The following NECTIN4 variants were observed in gnomAD, a reference collection of about 807,000 sequenced individuals.
NECTIN4 encodes nectin cell adhesion molecule 4, also known as nectin-4.
In NECTIN4, 19 loss-of-function variants were observed where a neutral mutation model predicts 51.7. The ratio of observed to expected loss-of-function variants is 0.37; its 90% CI spans 0.26 to 0.54. The LOEUF (loss-of-function observed/expected upper bound fraction) is 0.54, where lower values mean the gene tolerates loss of function less well. NECTIN4 is among the 20% of genes least tolerant of loss of function. NECTIN4 has a pLI of 0.86. For missense variants in NECTIN4, 619 were observed against 662.4 expected, an observed-to-expected ratio of 0.93 and a Z score of 0.72; for synonymous variants, 283 against 286.9, an observed-to-expected ratio of 0.99 and a Z score of 0.14.
intron 1 of NECTIN4, among the ~76,000 whole-genome samples, chr1:161,080,642 C>T (rs908713416): frequency 3.9e-5 from 6 of 152,122 alleles, no homozygotes; most frequent in Admixed American, 2.0e-4. Context: ...ACAGAAAGGG[C>T]CCAGGTCAGA....
intron 4 of NECTIN4, among the ~76,000 whole-genome samples, chr1:161,075,492 C>T (rs1160862596): frequency 6.6e-6 from 1 of 152,248 alleles, no homozygotes; most frequent in South Asian, 2.1e-4. Context: ...TAGACAAGGC[C>T]GGGCATGGTG....
At position 161,077,575 on chromosome 1, in the gene NECTIN4, G is replaced by T. The variant is rs774621220; in HGVS notation, c.608C>A (p.Ala203Asp). 8.1e-6 allele frequency: 13 copies of T among 1,614,014 alleles called. No individual in the cohort carries two copies. Among genetic ancestry groups the T allele is most frequent in the Non-Finnish European group, 1.1e-5 (13 of 1,180,042 alleles). ...CACCAAGTGGAACTCTGAGGTGACG[G>T]CAGCAGAGCGGGAGTGCTTGAAGGA... The part of the protein sequence containing the change: ...SRSFKHSRSA[A>D]VTSEFHLVPS... The change falls in exon 3 of 9, where the codon GCC (alanine) becomes GAC (aspartate). Residue 203 changes from alanine (A) to aspartate (D), a missense_variant. Physicochemically the swap from Ala to Asp is moderately radical, Grantham distance 126. Transcript: ENST00000368012.
intron 3 of NECTIN4, 83 bp from the exon 4 acceptor site, chr1:161,076,558 C>A: frequency 6.3e-7 from 1 of 1,580,996 alleles, no homozygotes; most frequent in Non-Finnish European, 8.6e-7. Flanking sequence ...CCCCACCCCA[C>A]CCTGCCTGAA....
intron 3 of NECTIN4, among the ~76,000 whole-genome samples, chr1:161,077,131 CT>C (rs1349186758): frequency 1.3e-5 from 2 of 152,178 alleles, no homozygotes; most frequent in Non-Finnish European, 2.9e-5. Context: ...AGAACTAGGG[CT>C]TGTCTAAGTT....
chr1:161,085,516 C>G (rs1653903457), intron 1 of NECTIN4, among the ~76,000 whole-genome samples: 1 of 151,970 alleles, frequency 6.6e-6, no homozygotes, highest in African/African-American at 2.4e-5. Flanking sequence ...AGCCTCAACT[C>G]CAGCTCTCAG....
chr1:161,079,481 C>T lies in NECTIN4; in HGVS notation c.439+109G>A, dbSNP rs375106644. 1.5e-4 allele frequency: 220 copies of T among 1,440,296 alleles called. 3 individuals are homozygous for T. In the East Asian group the frequency reaches 3.9e-3, roughly 26 times the overall value. 89.2% of individuals were successfully genotyped at this position (1,440,296 alleles called of 1,614,324 possible). A position where few individuals can be genotyped will look rare whatever the true frequency, so the allele number is the denominator to read the frequency against. On this transcript the variant is annotated intron_variant, in intron 2 of 8. Transcript: ENST00000368012. Reference sequence around the variant, plus strand: ...GAAGCTCCCTCACCTGAACATGACCCCACTTTTTATTCCTGTTCTACCTCT... The same window carrying T: ...GAAGCTCCCTCACCTGAACATGACCTCACTTTTTATTCCTGTTCTACCTCT...
chr1:161,079,641 T>C lies in NECTIN4; in HGVS notation c.388A>G (p.Ser130Gly), dbSNP rs1397413819. The change falls in exon 2 of 9, where the codon AGC (serine) becomes GGC (glycine). Residue 130 changes from serine (S) to glycine (G), a missense_variant. Ser to Gly is a moderately conservative substitution (Grantham distance 56). This residue lies in a region of NECTIN4 where 218 missense variants were observed against 186.3 expected (regional missense o/e 1.17). Transcript: ENST00000368012. ...TGGAAGCTGCCGGCGGGGAAGGTGC[T>C]GACCCGGCACTCGTACTCGCCCTCA... ...ADEGEYECRV[S>G]TFPAGSFQAR... is the part of the protein sequence containing the mutation. The C allele has an allele frequency of 6.2e-7, 1 of 1,605,418 alleles. No individual in the cohort carries two copies. Among genetic ancestry groups the C allele is most frequent in the African/African-American group, 1.3e-5 (1 of 74,946 alleles).
At chr1:161,074,562 C>G in intron 5 of NECTIN4, 49 bp downstream of exon 5, 3 of 1,610,606 alleles carry the variant, frequency 1.9e-6, no homozygotes, top group Non-Finnish European at 2.5e-6. Flanking sequence ...CTGCCCCCAC[C>G]AAGCCCTTGG....
At chr1:161,081,779 C>A (rs1394061938) in intron 1 of NECTIN4, among the ~76,000 whole-genome samples, 2 of 152,118 alleles carry the variant, frequency 1.3e-5, no homozygotes, top group Non-Finnish European at 2.9e-5. Flanking sequence ...GCTTAGACAT[C>A]ATTTCCAGCA....
intron 5 of NECTIN4, 38 bp from the exon 6 acceptor site, chr1:161,074,411 C>A: frequency 6.2e-7 from 1 of 1,613,954 alleles, no homozygotes; most frequent in Non-Finnish European, 8.5e-7. Context: ...TGGAAGCCTG[C>A]AGCCACAACC....
At chr1:161,080,539 A>G (rs958600251) in intron 1 of NECTIN4, among the ~76,000 whole-genome samples, 35 of 152,190 alleles carry the variant, frequency 2.3e-4, no homozygotes, top group Admixed American at 2.2e-3. Context: ...CTTGAAGATG[A>G]GAGACCTGGA....
rs1653227453 is a variant in NECTIN4, at chr1:161,072,686, A to T, written c.1508T>A (p.Ile503Asn). The T allele has an allele frequency of 1.2e-6, 2 of 1,614,060 alleles. No homozygotes were observed. Among genetic ancestry groups the T allele is most frequent in the Admixed American group, 3.3e-5 (2 of 60,010 alleles). ...RAKPTGNGIY[I>N]NGRGHLV ...TCAGACCAGGTGTCCCCGCCCATTG[A>T]TGTAGATGCCATTGCCCGTGGGCTT... Residue 503 changes from isoleucine (I) to asparagine (N), a missense_variant, in exon 9 of 9, where the codon ATC (isoleucine) becomes AAC (asparagine). Ile to Asn is a moderately radical substitution (Grantham distance 149). Around this residue, in one of 3 missense-constraint regions of NECTIN4, gnomAD observed 364 missense variants for 415.7 expected, o/e 0.88. Coordinates refer to ENST00000368012, the MANE Select transcript of NECTIN4 (RefSeq NM_030916.3).
chr1:161,081,768 C>T (rs12401309), intron 1 of NECTIN4, among the ~76,000 whole-genome samples: 139,855 of 151,680 alleles, frequency 0.92, 64,793 homozygotes, highest in African/African-American at 0.98. Flanking sequence ...TTTAAGACTC[C>T]GCTTAGACAT....
Position 161,072,545 on chromosome 1 carries a change from G to T in NECTIN4, c.*116C>A. 1 of 858,300 alleles carries T rather than the reference G, an allele frequency of 1.2e-6. No homozygotes were observed. The highest frequency in any genetic ancestry group is 2.0e-6 in the Non-Finnish European group (1 of 508,522). The allele number at this position is 858,300 out of a possible 1,614,324, so 53.2% of individuals were successfully genotyped here. On this transcript the variant is annotated 3_prime_UTR_variant, in exon 9 of 9. Coordinates refer to ENST00000368012, the MANE Select transcript of NECTIN4 (RefSeq NM_030916.3). ...TGGAGGTAAAGGTCAAGCAGTCAGT[G>T]GGATGGGGAGCATCTTCCGCAAGAA...
chr1:161,073,191 G>A (rs754856235), intron 8 of NECTIN4, 34 bp downstream of exon 8: 1 of 1,584,138 alleles, frequency 6.3e-7, no homozygotes, highest in East Asian at 2.2e-5. Context: ...CCCGAGGAGA[G>A]TGGTGGGGAC....
chr1:161,075,944 C>T lies in NECTIN4; in HGVS notation c.851+411G>A, dbSNP rs181003709. Among the ~76,000 whole-genome samples the T allele has an allele frequency of 4.8e-3, 729 of 151,924 alleles. 1 individual carries two copies. The highest frequency in any genetic ancestry group is 7.6e-3 in the Non-Finnish European group (515 of 67,982). On this transcript the variant is annotated intron_variant, in intron 4 of 8. Coordinates refer to ENST00000368012, the MANE Select transcript of NECTIN4 (RefSeq NM_030916.3). ...TACAAAAATTAGCTGGGGTTGGTGG[C>T]GCGCACCTGTAATCCCAGCTACTCA... is the stretch of plus-strand genomic sequence containing the variant.
rs1188357681 is a variant in NECTIN4, at chr1:161,079,873, G to A, written c.156C>T (p.Cys52=). 2 of 1,613,916 alleles carry A rather than the reference G, an allele frequency of 1.2e-6. No homozygotes were observed. Among genetic ancestry groups the A allele is most frequent in the African/African-American group, 1.3e-5 (1 of 75,062 alleles). ...VVLGQDAKLP[C]FYRGDSGEQV... ...GCTCGCCGGAGTCCCCTCGGTAGAA[G>A]CAGGGCAGTTTTGCGTCCTGGCCCA... Residue 52 remains cysteine (C), a synonymous_variant, in exon 2 of 9, where the codon TGC becomes TGT. Coordinates refer to ENST00000368012, the MANE Select transcript of NECTIN4 (RefSeq NM_030916.3).
At chr1:161,074,195 C>T (rs1388485080) in intron 6 of NECTIN4, 22 bp downstream of exon 6, 2 of 1,614,094 alleles carry the variant, frequency 1.2e-6, no homozygotes, top group Non-Finnish European at 8.5e-7. Flanking sequence ...GTTCTACCCA[C>T]CCAGGAGTGC....
chr1:161,089,148 G>T lies in NECTIN4; in HGVS notation c.79+70C>A. 7.4e-7 allele frequency: 1 copy of T among 1,351,888 alleles called. No individual in the cohort carries two copies. The highest frequency in any genetic ancestry group is 1.1e-6 in the Non-Finnish European group (1 of 943,294). The allele number at this position is 1,351,888 out of a possible 1,614,324, so 83.7% of individuals were successfully genotyped here. On this transcript the variant is annotated intron_variant, in intron 1 of 8. Transcript: ENST00000368012. The surrounding 1 kb of genome is among the most constrained non-coding windows in gnomAD (Gnocchi z 4.1). ...TGTGTGCGTGCGTGTGTGTCTATGT[G>T]TTTGTGCATGTGTGTCAGTGCCAGG...
Sources: allele counts gnomAD v4.1 joint callset (sites outside exome capture counted in the v4.1 genomes callset), GRCh38; gene constraint gnomAD v4.1.1; regional missense constraint gnomAD v4.1.1; non-coding constraint Gnocchi (gnomAD v3.1); transcripts MANE v1.5; gene names NCBI Gene and HGNC (gene_info 2026-07-23, HGNC 2026-07-21).